Variants in PPFIBP2 observed in about 807,000 individuals in gnomAD.
PPFIBP2 encodes PPFIB scaffold protein 2, also known as liprin-beta-2.
PPFIBP2 carries 118 observed loss-of-function variants against 118.3 expected under a neutral mutation model. That is an observed-to-expected ratio of 1.00 (90% CI 0.86 to 1.16). The LOEUF is 1.16. Ranked by LOEUF, PPFIBP2 falls within the 50% of genes most tolerant of loss-of-function variation. PPFIBP2 has a pLI of 0.00. For missense variants in PPFIBP2, 1,195 were observed against 1,073.1 expected (o/e 1.11, Z -1.59); for synonymous variants, 414 against 397.4 (o/e 1.04, Z -0.50).
At chr11:7,570,632 A>G (rs1481284596) in intron 3 of PPFIBP2, among the ~76,000 whole-genome samples, 2 of 152,206 alleles carry the variant, frequency 1.3e-5, no homozygotes, top group Non-Finnish European at 2.9e-5. Context: ...GAACTGGGGT[A>G]CATGGAGTAG....
chr11:7,649,209 A>G lies in PPFIBP2; in HGVS notation c.1972A>G (p.Arg658Gly), dbSNP rs4758209. 1 allele frequency: 1,613,811 copies of G among 1,614,082 alleles called. 806,770 individuals carry two copies. Among genetic ancestry groups the G allele is most frequent in the Middle Eastern group, 1 (6,060 of 6,060 alleles). The change falls in exon 20 of 24, where the codon AGA becomes GGA. Residue 658 changes from arginine to glycine, a missense_variant. Arg to Gly is a moderately radical substitution (Grantham distance 125). Transcript: ENST00000299492. Reference protein sequence around the residue: ...KDQFHESRVDRRMLQYLTVND... With the variant: ...KDQFHESRVDGRMLQYLTVND... ...CCAGTTTCATGAATCTAGAGTTGAC[A>G]GACGAATGCTGCAATACCTAACTGT...
chr11:7,589,614 A>C (rs924237645), intron 3 of PPFIBP2, among the ~76,000 whole-genome samples: 7 of 152,076 alleles, frequency 4.6e-5, no homozygotes, highest in East Asian at 1.9e-4. Context: ...CCCCTCCCAA[A>C]AAAAAAAAAA....
intron 11 of PPFIBP2, among the ~76,000 whole-genome samples, chr11:7,631,802 G>A (rs1045180551): frequency 1.3e-5 from 2 of 152,222 alleles, no homozygotes; most frequent in East Asian, 3.9e-4. Context: ...ACAGAATAGC[G>A]GTGTCCAAGT....
intron 3 of PPFIBP2, chr11:7,571,702 GACAGGTGTGA>G (rs1195816230): frequency 6.6e-6 from 1 of 152,170 alleles, no homozygotes; most frequent in Non-Finnish European, 1.5e-5. Flanking sequence ...CCTCCCCTGT[GACAGGTGTGA>G]ACTTGAGTGA....
chr11:7,615,289 T>A (rs1236106263), intron 6 of PPFIBP2, among the ~76,000 whole-genome samples: 1 of 147,074 alleles, frequency 6.8e-6, no homozygotes, highest in Non-Finnish European at 1.5e-5. Flanking sequence ...TGAGCCGAGA[T>A]CGTGCCACTG....
the PPFIBP2 span, chr11:7,666,705 G>A: frequency 3.6e-6 from 2 of 555,928 alleles, no homozygotes; most frequent in Non-Finnish European, 6.4e-6. Context: ...TTCTGCTGCT[G>A]CTCCTGAAGC....
intron 3 of PPFIBP2, among the ~76,000 whole-genome samples, chr11:7,570,943 A>C (rs1367045319): frequency 6.6e-6 from 1 of 152,188 alleles, no homozygotes; most frequent in East Asian, 1.9e-4. Context: ...CTTTGTAAGC[A>C]CCAGCCTTTG....
At chr11:7,548,554 C>T (rs977045497) in intron 1 of PPFIBP2, 1 of 152,166 alleles carries the variant, frequency 6.6e-6, no homozygotes, top group African/African-American at 2.4e-5. Context: ...CCTTGCTACC[C>T]AGGGAGAGGG....
At chr11:7,664,472 C>G in the PPFIBP2 span, among the ~76,000 whole-genome samples, 1 of 152,096 alleles carries the variant, frequency 6.6e-6, no homozygotes, top group Non-Finnish European at 1.5e-5. Context: ...TTAGCAGCAT[C>G]CTTGGTCTCT....
intron 3 of PPFIBP2, among the ~76,000 whole-genome samples, chr11:7,586,764 G>C (rs1380333734): frequency 1.3e-5 from 2 of 152,192 alleles, no homozygotes; most frequent in Non-Finnish European, 1.5e-5. Flanking sequence ...AGCACCACAA[G>C]AAAGTCCCCA....
intron 1 of PPFIBP2, among the ~76,000 whole-genome samples, chr11:7,520,502 T>C (rs1208828389): frequency 1.3e-5 from 2 of 151,160 alleles, no homozygotes; most frequent in African/African-American, 4.8e-5. Flanking sequence ...TACTTGGCCA[T>C]AAGATTTTTT....
At chr11:7,666,744 C>A in the PPFIBP2 span, 9 of 487,606 alleles carry the variant, frequency 1.8e-5, no homozygotes, top group South Asian at 7.3e-5. Flanking sequence ...GGATGAAGTT[C>A]CTCCATGTGG....
intron 12 of PPFIBP2, 54 bp downstream of exon 12, chr11:7,632,988 G>A (rs1850976445): frequency 1.3e-6 from 2 of 1,514,344 alleles, no homozygotes; most frequent in South Asian, 2.3e-5. Flanking sequence ...CTTGCCTTGG[G>A]GCTGCCGAAG....
intron 3 of PPFIBP2, chr11:7,572,072 C>T (rs1485191087): frequency 2.0e-5 from 3 of 152,192 alleles, no homozygotes; most frequent in Non-Finnish European, 2.9e-5. Flanking sequence ...AGAGAGGGCT[C>T]CACTGTTTAG....
intron 15 of PPFIBP2, among the ~76,000 whole-genome samples, chr11:7,640,612 C>T (rs1334436187): frequency 1.3e-5 from 2 of 152,212 alleles, no homozygotes; most frequent in African/African-American, 4.8e-5. Context: ...CCGTTGGCTG[C>T]AGGAACTTCA....
At chr11:7,577,987 G>C (rs1425078215) in intron 3 of PPFIBP2, among the ~76,000 whole-genome samples, 1 of 152,206 alleles carries the variant, frequency 6.6e-6, no homozygotes, top group Non-Finnish European at 1.5e-5. Flanking sequence ...GACACAGGGA[G>C]GAAGCTGCTG....
intron 3 of PPFIBP2, among the ~76,000 whole-genome samples, chr11:7,569,497 G>T (rs989461845): frequency 3.3e-5 from 5 of 152,210 alleles, no homozygotes; most frequent in African/African-American, 1.2e-4. Flanking sequence ...TCTTAATGGG[G>T]ATACCCTCTG....
At chr11:7,594,916 C>CAAAA (rs58084975) in intron 4 of PPFIBP2, among the ~76,000 whole-genome samples, 15 of 64,018 alleles carry the variant, frequency 2.3e-4, no homozygotes, top group African/African-American at 3.9e-4. Flanking sequence ...GACTCCATCT[C>CAAAA]AAAAAAAAAA....
intron 3 of PPFIBP2, among the ~76,000 whole-genome samples, chr11:7,590,867 A>G (rs1859136922): frequency 6.6e-6 from 1 of 152,230 alleles, no homozygotes; most frequent in Admixed American, 6.5e-5. Flanking sequence ...TGCTGATCCC[A>G]TCACACAAAA....
Sources: gnomAD v4.1 joint callset for allele counts (sites outside exome capture counted in the v4.1 genomes callset) on GRCh38, gnomAD v4.1.1 for gene constraint, MANE v1.5 for transcripts, NCBI Gene and HGNC (gene_info 2026-07-23, HGNC 2026-07-21) for gene names.